RBFOX1: variants seen among roughly 807,000 people sequenced by gnomAD.
RBFOX1 encodes RNA binding protein fox-1 homolog 1.
Under a neutral mutation model 57.7 loss-of-function variants are expected in RBFOX1, and 8 were observed. The observed-to-expected ratio is 0.14, with a 90% confidence interval of 0.08 to 0.25. The LOEUF is 0.25. RBFOX1 is among the 10% of genes least tolerant of loss of function. RBFOX1 has a pLI of 1.00. For synonymous variants in RBFOX1, 326 were observed against 222.4 expected, an observed-to-expected ratio of 1.47 and a Z score of -4.15; for missense variants, 611 against 548.5, an observed-to-expected ratio of 1.11 and a Z score of -1.14.
At chr16:7,544,643 A>G (rs960468539) in intron 5 of RBFOX1, among the ~76,000 whole-genome samples, 2 of 152,114 alleles carry the variant, frequency 1.3e-5, no homozygotes, top group Non-Finnish European at 2.9e-5. Context: ...CAGATGGAGC[A>G]TGGTTTAGGC....
chr16:5,953,283 A>G (rs1218185934), intron 4 of RBFOX1, among the ~76,000 whole-genome samples: 7 of 152,180 alleles, frequency 4.6e-5, no homozygotes, highest in African/African-American at 1.2e-4. Flanking sequence ...ATGTGTAACA[A>G]TTTTTTAGTA....
At chr16:5,271,142 C>A (rs796990112) in intron 1 of RBFOX1, among the ~76,000 whole-genome samples, 1 of 131,114 alleles carries the variant, frequency 7.6e-6, no homozygotes, top group Non-Finnish European at 1.7e-5. Context: ...AAGATTGCAT[C>A]ATTGCACTCC....
At chr16:7,219,241 A>T (rs2092528446) in intron 4 of RBFOX1, among the ~76,000 whole-genome samples, 1 of 152,220 alleles carries the variant, frequency 6.6e-6, no homozygotes, top group African/African-American at 2.4e-5. Flanking sequence ...TTAACACCAC[A>T]GGGAAAAGTA....
intron 1 of RBFOX1, among the ~76,000 whole-genome samples, chr16:5,419,508 A>T (rs1483762145): frequency 1.3e-5 from 2 of 151,846 alleles, no homozygotes; most frequent in Non-Finnish European, 2.9e-5. Flanking sequence ...ACTGGCACAA[A>T]TGTTAATCTC....
chr16:6,476,839 C>T (rs142935285), intron 2 of RBFOX1, among the ~76,000 whole-genome samples: 1 of 152,296 alleles, frequency 6.6e-6, no homozygotes, highest in East Asian at 1.9e-4. Context: ...GGAGTGAATC[C>T]TTTCAAACTT....
chr16:6,855,391 C>T (rs1039721944), intron 3 of RBFOX1, among the ~76,000 whole-genome samples: 10 of 152,156 alleles, frequency 6.6e-5, no homozygotes, highest in African/African-American at 2.2e-4. Context: ...GTGGCTCACG[C>T]CTGTAATCCC....
intron 14 of RBFOX1, among the ~76,000 whole-genome samples, chr16:7,691,030 G>A (rs1054726790): frequency 2.0e-5 from 3 of 152,066 alleles, no homozygotes; most frequent in Non-Finnish European, 2.9e-5. Flanking sequence ...TGAATTCATG[G>A]AATTAATTAA....
intron 3 of RBFOX1, among the ~76,000 whole-genome samples, chr16:6,905,211 G>C (rs1157264197): frequency 2.0e-5 from 3 of 151,270 alleles, no homozygotes; most frequent in Admixed American, 1.3e-4. Context: ...TTGTTCCTTA[G>C]CCCTTTCTTC....
rs74722033 is a variant in RBFOX1 at position 5,475,601 on chromosome 16, A to T, written c.258+8347A>T. ...ATAGGTAATATTTATGTGGAGGGTT[A>T]ATATTTAGCAGGTGCTGTGCTTAAG... On this transcript the variant is annotated intron_variant, in intron 2 of 2. Transcript: ENST00000585867. Among the ~76,000 whole-genome samples the T allele has an allele frequency of 9.2e-3, 1,396 of 152,314 alleles. 16 individuals carry two copies. Among genetic ancestry groups the T allele is most frequent in the African/African-American group, 0.029 (1,193 of 41,568 alleles).
chr16:6,532,469 A>G (rs1358760010), intron 2 of RBFOX1, among the ~76,000 whole-genome samples: 7 of 152,126 alleles, frequency 4.6e-5, no homozygotes, highest in Non-Finnish European at 1.0e-4. Context: ...CCCTCCAGTT[A>G]CTTTCTGCTT....
chr16:5,256,969 C>T (rs1385273252), intron 1 of RBFOX1, among the ~76,000 whole-genome samples: 1 of 151,896 alleles, frequency 6.6e-6, no homozygotes, highest in South Asian at 2.1e-4. Context: ...TTAACACTTC[C>T]TCCATCTCTC....
intron 4 of RBFOX1, among the ~76,000 whole-genome samples, chr16:7,109,684 C>T (rs755728223): frequency 1.4e-4 from 22 of 152,096 alleles, no homozygotes; most frequent in Non-Finnish European, 3.1e-4. Context: ...TTAAATACAC[C>T]AGCAGCTGCA....
chr16:5,356,022 C>T (rs755341075), intron 1 of RBFOX1, among the ~76,000 whole-genome samples: 8 of 152,142 alleles, frequency 5.3e-5, no homozygotes, highest in African/African-American at 1.7e-4. Context: ...ACCCGGGAGG[C>T]GGAGGTTGCA....
intron 5 of RBFOX1, among the ~76,000 whole-genome samples, chr16:7,579,218 G>C (rs575068561): frequency 8.2e-4 from 125 of 152,290 alleles, no homozygotes; most frequent in African/African-American, 2.8e-3. Context: ...AAGTCAATCA[G>C]CTGGTTATTT....
chr16:6,342,451 AGCCCATGAATG>A (rs762811419), intron 2 of RBFOX1, among the ~76,000 whole-genome samples: 6 of 152,200 alleles, frequency 3.9e-5, no homozygotes, highest in Admixed American at 6.5e-5. Context: ...AGCATAGACT[AGCCCATGAATG>A]GCACATAACA....
chr16:6,021,028 G>C (rs546808829), intron 1 of RBFOX1, among the ~76,000 whole-genome samples: 2 of 152,306 alleles, frequency 1.3e-5, no homozygotes, highest in East Asian at 3.9e-4. Flanking sequence ...TGGAACATCT[G>C]GGGTGCGGCT....
chr16:6,156,509 A>AGCTATAG lies in RBFOX1; in HGVS notation c.-127+136518_-127+136524dup. Among the ~76,000 whole-genome samples the AGCTATAG allele has an allele frequency of 1.3e-5, 2 of 152,226 alleles. 1 individual carries two copies. Among genetic ancestry groups the AGCTATAG allele is most frequent in the Admixed American group, 1.3e-4 (2 of 15,290 alleles). ...TGAGAAGGTTTCTTGATCTTCACAG[A>AGCTATAG]GCTATAGAAAAGAGAATGCTTATTT... On this transcript the variant is annotated intron_variant, in intron 1 of 15. Transcript: ENST00000550418.
intron 2 of RBFOX1, among the ~76,000 whole-genome samples, chr16:5,516,449 T>G (rs1323603761): frequency 6.6e-6 from 1 of 152,240 alleles, no homozygotes; most frequent in African/African-American, 2.4e-5. Flanking sequence ...CATAAGTTAC[T>G]TGACCTCTCT....
chr16:7,338,308 C>T (rs1237984866), intron 4 of RBFOX1, among the ~76,000 whole-genome samples: 2 of 150,632 alleles, frequency 1.3e-5, no homozygotes, highest in South Asian at 2.1e-4. Context: ...CCTAAACTTT[C>T]TATAGCTAGA....
Sources: gnomAD v4.1 joint callset for allele counts (sites outside exome capture counted in the v4.1 genomes callset) on GRCh38, gnomAD v4.1.1 for gene constraint, MANE v1.5 for transcripts, NCBI Gene and HGNC (gene_info 2026-07-23, HGNC 2026-07-21) for gene names.